The following WSCD1 variants were observed in gnomAD, a reference collection of about 807,000 sequenced individuals.
The protein encoded by WSCD1 is WSC domain sialate O sulfotransferase 1.
A neutral mutation model predicts 60.4 loss-of-function variants in WSCD1; 41 were observed. The observed-to-expected ratio is 0.68, with a 90% CI of 0.53 to 0.88. The LOEUF (loss-of-function observed/expected upper bound fraction) is 0.88, where lower values mean the gene tolerates loss of function less well. WSCD1 is among the 40% of genes least tolerant of loss of function. The probability of loss-of-function intolerance (pLI) is 0.00; values close to 1 mark genes in which losing one functional copy is unlikely to be tolerated. For synonymous variants in WSCD1, 361 were observed against 332.5 expected (o/e 1.09, Z -0.93); for missense variants, 784 against 796.2 (o/e 0.98, Z 0.18).
chr17:6,120,699 C>G lies in WSCD1; in HGVS notation c.*38C>G, dbSNP rs1353986455. 1 of 1,568,874 alleles carries G rather than the reference C, an allele frequency of 6.4e-7. No homozygotes were observed. Among genetic ancestry groups the G allele is most frequent in the Non-Finnish European group, 8.7e-7 (1 of 1,154,758 alleles). On this transcript the variant is annotated 3_prime_UTR_variant, in exon 9 of 9. Coordinates refer to ENST00000317744, the MANE Select transcript of WSCD1 (RefSeq NM_015253.2). ...ACGCCGCCGCCCCCGCTGAGTGACG[C>G]AATCGCACCACGGGGCTGCGCTCCC...
rs184467355 is a variant in WSCD1, at chr17:6,094,627, T to C, written c.728-475T>C. Reference sequence around the variant, plus strand: ...AGGAAGGAGAAGGAAGGAAGGAAGGTAGGCAGGCCGGCAGGAAGGCTGGCA... The same window carrying C: ...AGGAAGGAGAAGGAAGGAAGGAAGGCAGGCAGGCCGGCAGGAAGGCTGGCA... On this transcript the variant is annotated intron_variant, in intron 4 of 8. Transcript: ENST00000317744. Among the ~76,000 whole-genome samples, 281 of 99,606 alleles carry C rather than the reference T, an allele frequency of 2.8e-3. 1 individual carries two copies. Among genetic ancestry groups the C allele is most frequent in the Middle Eastern group, 0.016 (3 of 190 alleles). 65.3% of individuals were successfully genotyped at this position (99,606 alleles called of 152,430 possible).
At chr17:6,104,501 A>C (rs1910978358) in intron 5 of WSCD1, among the ~76,000 whole-genome samples, 1 of 152,202 alleles carries the variant, frequency 6.6e-6, no homozygotes, top group South Asian at 2.1e-4. Context: ...CACTCCCAGC[A>C]TCTGCCTCTC....
intron 7 of WSCD1, among the ~76,000 whole-genome samples, chr17:6,115,847 C>T (rs573828354): frequency 5.3e-5 from 8 of 152,136 alleles, no homozygotes; most frequent in African/African-American, 1.2e-4. Context: ...CTGCCTGCCT[C>T]ACCCTCCTAA....
chr17:6,097,740 C>CT (rs1217180932), intron 5 of WSCD1, among the ~76,000 whole-genome samples: 2 of 152,122 alleles, frequency 1.3e-5, no homozygotes, highest in African/African-American at 4.8e-5. Context: ...GACTGAGTGT[C>CT]TTTATCATTT....
chr17:6,071,671 G>A (rs190857405), intron 1 of WSCD1, among the ~76,000 whole-genome samples: 1 of 152,220 alleles, frequency 6.6e-6, no homozygotes, highest in African/African-American at 2.4e-5. Flanking sequence ...GATTTGCCTA[G>A]GTTGTCAGGC....
Position 6,120,389 on chromosome 17 carries a change from C to T in WSCD1, c.1456C>T (p.Leu486=). Residue 486 remains leucine, a synonymous_variant, in exon 9 of 9, where the codon CTG becomes TTG. Coordinates refer to ENST00000317744, the MANE Select transcript of WSCD1 (RefSeq NM_015253.2). ...CTGGCTCAAGTACGGGAAGCGGCTG[C>T]TGGTGGTGCACTACGAGGAGCTGCG... ...LDWLKYGKRL[L]VVHYEELRRS... 1 of 1,614,054 alleles carries T rather than the reference C, an allele frequency of 6.2e-7. No individual in the cohort carries two copies. Among genetic ancestry groups the T allele is most frequent in the Non-Finnish European group, 8.5e-7 (1 of 1,180,014 alleles).
At chr17:6,109,036 G>A (rs1468796522) in intron 5 of WSCD1, among the ~76,000 whole-genome samples, 1 of 152,178 alleles carries the variant, frequency 6.6e-6, no homozygotes, top group East Asian at 1.9e-4. Context: ...GTTGGTTTTA[G>A]TCTCTTTCCA....
At position 6,094,984 on chromosome 17, in the gene WSCD1, A is replaced by G. The variant is rs574199966; in HGVS notation, c.728-118A>G. On this transcript the variant is annotated intron_variant, in intron 4 of 8. Transcript: ENST00000317744. ...GGGCCGTTTTCCCTCCCTGATTTGA[A>G]CTCGCCTCGTAAGTTTATTTATACC... 5.5e-6 allele frequency: 8 copies of G among 1,461,044 alleles called. No individual in the cohort carries two copies. In the East Asian group the frequency reaches 1.6e-4, roughly 30 times the overall value. The allele number at this position is 1,461,044 out of a possible 1,614,324, so 90.5% of individuals were successfully genotyped here.
intron 5 of WSCD1, among the ~76,000 whole-genome samples, chr17:6,102,725 A>G (rs1910874663): frequency 6.6e-6 from 1 of 152,030 alleles, no homozygotes; most frequent in Non-Finnish European, 1.5e-5. Context: ...CCTTTTTCTC[A>G]TTGAATATGT....
Position 6,120,419 on chromosome 17 carries a change from A to G in WSCD1, c.1486A>G (p.Ser496Gly). 1.2e-6 allele frequency: 2 copies of G among 1,614,090 alleles called. No individual in the cohort carries two copies. Among genetic ancestry groups the G allele is most frequent in the Non-Finnish European group, 1.7e-6 (2 of 1,180,026 alleles). Residue 496 changes from serine to glycine, a missense_variant, in exon 9 of 9, where the codon AGC becomes GGC. Ser to Gly is a moderately conservative substitution (Grantham distance 56). Transcript: ENST00000317744. ...GGTGCACTACGAGGAGCTGCGGCGC[A>G]GCCTGGTGCCCACGTTACGGGAGAT... ...LVVHYEELRR[S>G]LVPTLREMVA...
chr17:6,096,821 C>G (rs545995042), intron 5 of WSCD1, among the ~76,000 whole-genome samples: 1 of 152,316 alleles, frequency 6.6e-6, no homozygotes, highest in South Asian at 2.1e-4. Context: ...TTGAGAGGCC[C>G]TCTGGTTGGA....
chr17:6,077,726 A>G (rs1449256567), intron 1 of WSCD1, among the ~76,000 whole-genome samples: 1 of 152,240 alleles, frequency 6.6e-6, no homozygotes, highest in African/African-American at 2.4e-5. Context: ...GGAATTCACC[A>G]GTATACTCTG....
chr17:6,079,918 T>C (rs1909115610), intron 1 of WSCD1, among the ~76,000 whole-genome samples: 1 of 152,198 alleles, frequency 6.6e-6, no homozygotes, highest in African/African-American at 2.4e-5. Context: ...AACTAGCTAA[T>C]ATGCCTTCTT....
At chr17:6,114,153 T>TTAA (rs1555529055) in intron 7 of WSCD1, among the ~76,000 whole-genome samples, 1 of 125,202 alleles carries the variant, frequency 8.0e-6, no homozygotes, top group Non-Finnish European at 1.6e-5. Context: ...TAGTTAGCCG[T>TTAA]AAAAAAAAAA....
chr17:6,084,295 C>T (rs1261581733), intron 2 of WSCD1, among the ~76,000 whole-genome samples: 1 of 152,352 alleles, frequency 6.6e-6, no homozygotes. Context: ...AGGCTGTGCT[C>T]TCATGGTCAT....
intron 3 of WSCD1, 100 bp downstream of exon 3, chr17:6,088,204 C>A: frequency 9.8e-7 from 1 of 1,018,316 alleles, no homozygotes; most frequent in Non-Finnish European, 1.5e-6. Context: ...GCTGTCATAG[C>A]ATAATTGGAA....
intron 1 of WSCD1, among the ~76,000 whole-genome samples, chr17:6,078,988 CCA>C (rs1909051253): frequency 6.6e-6 from 1 of 152,144 alleles, no homozygotes; most frequent in South Asian, 2.1e-4. Flanking sequence ...GAGTTTAATT[CCA>C]CCTTCATTTG....
chr17:6,082,673 C>T (rs1909358036), intron 2 of WSCD1, among the ~76,000 whole-genome samples: 1 of 152,120 alleles, frequency 6.6e-6, no homozygotes, highest in Non-Finnish European at 1.5e-5. Flanking sequence ...CTCACTGGGC[C>T]CTGCACCCGA....
At position 6,120,502 on chromosome 17, in the gene WSCD1, C is replaced by T. The variant is rs201765953; in HGVS notation, c.1569C>T (p.Asn523=). The T allele has an allele frequency of 1.9e-5, 31 of 1,613,918 alleles. No individual in the cohort carries two copies. In the Admixed American group the frequency reaches 2.7e-4, roughly 14 times the overall value. The change falls in exon 9 of 9, where the codon AAC becomes AAT. Residue 523 remains asparagine (N), a synonymous_variant. Coordinates refer to ENST00000317744, the MANE Select transcript of WSCD1 (RefSeq NM_015253.2). Reference sequence around the variant, plus strand: ...AGCGGCTGCTCTGCGTGGAGAACAACAAGGAGGGCAGCTTCCGGCGGCGCG... The same window carrying T: ...AGCGGCTGCTCTGCGTGGAGAACAATAAGGAGGGCAGCTTCCGGCGGCGCG... ...SEERLLCVEN[N]KEGSFRRRGR... is the part of the protein sequence containing the mutation.
Sources: gnomAD v4.1 joint callset for allele counts (sites outside exome capture counted in the v4.1 genomes callset) on GRCh38, gnomAD v4.1.1 for gene constraint, MANE v1.5 for transcripts, NCBI Gene and HGNC (gene_info 2026-07-23, HGNC 2026-07-21) for gene names.